Variants in PIEZO2 observed in about 807,000 individuals in gnomAD.
The protein encoded by PIEZO2 is piezo type mechanosensitive ion channel component 2.
PIEZO2 carries 172 observed loss-of-function variants against 337.3 expected under a neutral mutation model. The observed-to-expected ratio is 0.51, with a 90% CI of 0.45 to 0.58. The LOEUF is 0.58. PIEZO2 is among the 20% of genes least tolerant of loss of function. The pLI is 0.00. For missense variants in PIEZO2, 3,028 were observed against 3,391.3 expected, an observed-to-expected ratio of 0.89 and a Z score of 2.66; for synonymous variants, 1,251 against 1,228.5, an observed-to-expected ratio of 1.02 and a Z score of -0.38.
At chr18:10,730,961 C>T (rs930857513) in intron 36 of PIEZO2, among the ~76,000 whole-genome samples, 1 of 152,018 alleles carries the variant, frequency 6.6e-6, no homozygotes, top group Non-Finnish European at 1.5e-5. Flanking sequence ...CTCCTGACCT[C>T]GTGATCCACT....
rs993963679 is a variant in PIEZO2, at chr18:11,001,352, G to A, written c.161-21692C>T. ...CACATCTTGCTAGGCATGCACCACCGAAAAAGTTATTCCTCTAGGGAACTT... is the reference window on the plus strand; with the variant it reads ...CACATCTTGCTAGGCATGCACCACCAAAAAAGTTATTCCTCTAGGGAACTT... On this transcript the variant is annotated intron_variant, in intron 2 of 55. Coordinates refer to ENST00000674853, the MANE Select transcript of PIEZO2 (RefSeq NM_001378183.1). This position sits in a 1 kb window ranked among gnomAD's most constrained non-coding sequence, Gnocchi z 5.3. 1.3e-5 allele frequency among the ~76,000 whole-genome samples: 2 copies of A among 152,066 alleles called. No homozygotes were observed. Among genetic ancestry groups the A allele is most frequent in the African/African-American group, 2.4e-5 (1 of 41,404 alleles).
intron 2 of PIEZO2, among the ~76,000 whole-genome samples, chr18:11,060,750 T>C (rs1262588821): frequency 6.6e-6 from 1 of 152,246 alleles, no homozygotes; most frequent in East Asian, 1.9e-4. Context: ...GGCTCTGAAA[T>C]TGAGGCAATA....
At chr18:10,681,069 T>C (rs1032366218) in intron 51 of PIEZO2, among the ~76,000 whole-genome samples, 1 of 152,132 alleles carries the variant, frequency 6.6e-6, no homozygotes, top group African/African-American at 2.4e-5. Flanking sequence ...TGAGAAATTG[T>C]CATGTCATTT....
intron 4 of PIEZO2, among the ~76,000 whole-genome samples, chr18:10,875,432 A>G (rs2042244933): frequency 6.6e-6 from 1 of 152,182 alleles, no homozygotes; most frequent in Non-Finnish European, 1.5e-5. Context: ...TCAAGGAATG[A>G]GAAAAAATGG....
chr18:11,093,234 C>T lies in PIEZO2; in HGVS notation c.65-27012G>A, dbSNP rs562958554. 2.0e-4 allele frequency among the ~76,000 whole-genome samples: 30 copies of T among 152,260 alleles called. No homozygotes were observed. The East Asian group carries it at 2.7e-3, about 14-fold the overall frequency. On this transcript the variant is annotated intron_variant, in intron 1 of 55. Coordinates refer to ENST00000674853, the MANE Select transcript of PIEZO2 (RefSeq NM_001378183.1). ...TGGGTAAAGCGGAGCCAGCCATTTGCGGGAGTGACCTATACACACCCCTCA... is the reference window on the plus strand; with the variant it reads ...TGGGTAAAGCGGAGCCAGCCATTTGTGGGAGTGACCTATACACACCCCTCA...
chr18:10,692,748 C>G (rs1598362279), intron 47 of PIEZO2, among the ~76,000 whole-genome samples: 1 of 152,216 alleles, frequency 6.6e-6, no homozygotes, highest in South Asian at 2.1e-4. Context: ...GAGGCTACAC[C>G]TCACTGCTTG....
intron 2 of PIEZO2, among the ~76,000 whole-genome samples, chr18:10,989,198 T>A (rs909209161): frequency 6.6e-6 from 1 of 152,086 alleles, no homozygotes; most frequent in African/African-American, 2.4e-5. Context: ...GTGTCTATCA[T>A]CAAAACTCAT....
intron 1 of PIEZO2, among the ~76,000 whole-genome samples, chr18:11,123,070 C>T (rs1012267942): frequency 6.6e-6 from 1 of 152,086 alleles, no homozygotes; most frequent in Non-Finnish European, 1.5e-5. Flanking sequence ...TTAAACTAGT[C>T]TAAGAAAATG....
rs145321177 is a variant in PIEZO2 at position 10,796,231 on chromosome 18, G to A, written c.1527+1143C>T. On this transcript the variant is annotated intron_variant, in intron 12 of 55. Coordinates refer to ENST00000674853, the MANE Select transcript of PIEZO2 (RefSeq NM_001378183.1). ...TAAAAAAAAAAAAAATTAGCCGGGC[G>A]TGGTGGCAGGCGCCTGTAGTCCCAG... Among the ~76,000 whole-genome samples the A allele has an allele frequency of 2.0e-3, 304 of 152,004 alleles. 7 individuals are homozygous for A. In the East Asian group the frequency reaches 0.052, roughly 26 times the overall value.
At chr18:10,797,870 C>A (rs974613738) in intron 11 of PIEZO2, among the ~76,000 whole-genome samples, 1 of 152,218 alleles carries the variant, frequency 6.6e-6, no homozygotes, top group Admixed American at 6.5e-5. Flanking sequence ...CTTCTTCTAA[C>A]ACAAATAGGG....
Position 11,005,501 on chromosome 18 carries a change from C to T in PIEZO2, c.161-25841G>A, listed in dbSNP as rs2035686285. Among the ~76,000 whole-genome samples, 3 of 152,314 alleles carry T rather than the reference C, an allele frequency of 2.0e-5. No homozygotes were observed. The South Asian group carries it at 6.2e-4, about 32-fold the overall frequency. ...GCAGATTGAGGTTCAGAGCCTTGAT[C>T]AAGGAGCGGTATCAGGGATGCTGGG... On this transcript the variant is annotated intron_variant, in intron 2 of 55. Transcript: ENST00000674853.
intron 3 of PIEZO2, among the ~76,000 whole-genome samples, chr18:10,919,679 T>C (rs1422915376): frequency 6.6e-6 from 1 of 152,160 alleles, no homozygotes; most frequent in African/African-American, 2.4e-5. Flanking sequence ...ACTTCCATAT[T>C]ACTCTCAAAA....
intron 2 of PIEZO2, among the ~76,000 whole-genome samples, chr18:11,044,552 C>T (rs112677855): frequency 3.9e-5 from 6 of 152,118 alleles, no homozygotes; most frequent in African/African-American, 1.4e-4. Flanking sequence ...ACACTATTTT[C>T]AAAGATAGGA....
intron 4 of PIEZO2, among the ~76,000 whole-genome samples, chr18:10,880,685 C>T (rs1336774469): frequency 6.6e-6 from 1 of 151,568 alleles, no homozygotes; most frequent in Non-Finnish European, 1.5e-5. Flanking sequence ...GAAGTTCACA[C>T]GCTGAGAGAT....
At chr18:10,722,005 T>C (rs2036331620) in intron 36 of PIEZO2, among the ~76,000 whole-genome samples, 1 of 151,896 alleles carries the variant, frequency 6.6e-6, no homozygotes, top group African/African-American at 2.4e-5. Context: ...ATACAAAAAA[T>C]TAGCCAAGTG....
intron 4 of PIEZO2, among the ~76,000 whole-genome samples, chr18:10,898,631 A>G (rs264172): frequency 0.58 from 87,750 of 151,920 alleles, 25,480 homozygotes; most frequent in East Asian, 0.77. Flanking sequence ...AGTAAAAATA[A>G]TTTTGTTTTC....
At chr18:10,842,538 A>G (rs1389374042) in intron 7 of PIEZO2, among the ~76,000 whole-genome samples, 1 of 152,140 alleles carries the variant, frequency 6.6e-6, no homozygotes, top group East Asian at 1.9e-4. Context: ...ATCTCTAAAA[A>G]CACTGGCTCC....
chr18:11,130,346 T>C (rs1273305072), intron 1 of PIEZO2, among the ~76,000 whole-genome samples: 1 of 152,272 alleles, frequency 6.6e-6, no homozygotes, highest in Non-Finnish European at 1.5e-5. Flanking sequence ...AGCCATTGAC[T>C]TGGCAAATGC....
chr18:11,079,625 A>T (rs564880154), intron 1 of PIEZO2, among the ~76,000 whole-genome samples: 1 of 152,270 alleles, frequency 6.6e-6, no homozygotes, highest in African/African-American at 2.4e-5. Flanking sequence ...CACAGTAAGC[A>T]TTCAGTAAAT....
Sources: gnomAD v4.1 joint callset for allele counts (sites outside exome capture counted in the v4.1 genomes callset) on GRCh38, gnomAD v4.1.1 for gene constraint, Gnocchi (gnomAD v3.1) non-coding constraint, MANE v1.5 for transcripts, NCBI Gene and HGNC (gene_info 2026-07-23, HGNC 2026-07-21) for gene names.